The following LOC400499 variants were observed in gnomAD, a reference collection of about 807,000 sequenced individuals.
chr16:11,445,727 G>C, the LOC400499 span, among the ~76,000 whole-genome samples: 3 of 152,222 alleles, frequency 2.0e-5, no homozygotes, highest in Middle Eastern at 3.2e-3. Context: ...GAGTTTGAGA[G>C]CATGCGGGTG....
chr16:11,391,499 C>G, the LOC400499 span, among the ~76,000 whole-genome samples: 60,633 of 151,952 alleles, frequency 0.4, 12,506 homozygotes, highest in African/African-American at 0.44. Flanking sequence ...AGATCTATAA[C>G]AAATAAGGCA....
At chr16:11,511,212 G>C in the LOC400499 span, among the ~76,000 whole-genome samples, 4 of 152,104 alleles carry the variant, frequency 2.6e-5, no homozygotes, top group African/African-American at 9.7e-5. Flanking sequence ...TGCCAGACTG[G>C]TGTCAAACTC....
the LOC400499 span, chr16:11,399,650 C>A: frequency 7.5e-6 from 3 of 398,600 alleles, no homozygotes; most frequent in African/African-American, 6.2e-5. Flanking sequence ...AGCTGAGAAG[C>A]CTGGAGCGAG....
At chr16:11,471,223 GA>G in the LOC400499 span, 3 of 152,904 alleles carry the variant, frequency 2.0e-5, no homozygotes, top group Admixed American at 2.0e-4. Context: ...GCCTCCTCTG[GA>G]CCAGATGCTG....
At chr16:11,375,382 C>A in the LOC400499 span, among the ~76,000 whole-genome samples, 8 of 135,128 alleles carry the variant, frequency 5.9e-5, 3 homozygotes, top group African/African-American at 2.4e-4. Flanking sequence ...GGCGGGACCT[C>A]AGCTCACTGC....
the LOC400499 span, among the ~76,000 whole-genome samples, chr16:11,509,092 T>A: frequency 6.6e-6 from 1 of 151,296 alleles, no homozygotes; most frequent in East Asian, 1.9e-4. Flanking sequence ...GCCACTCACA[T>A]CAGGGAACAC....
At chr16:11,457,591 CAA>C in the LOC400499 span, among the ~76,000 whole-genome samples, 72 of 97,038 alleles carry the variant, frequency 7.4e-4, no homozygotes, top group Non-Finnish European at 7.9e-4. Context: ...GACTCCATCT[CAA>C]AAAAAAAAAA....
chr16:11,455,187 T>C, the LOC400499 span, among the ~76,000 whole-genome samples: 1 of 152,190 alleles, frequency 6.6e-6, no homozygotes, highest in South Asian at 2.1e-4. Flanking sequence ...ATGTAAGACA[T>C]TTATAGTTAT....
At chr16:11,439,530 G>A in the LOC400499 span, 1 of 399,190 alleles carries the variant, frequency 2.5e-6, no homozygotes, top group Non-Finnish European at 4.4e-6. Flanking sequence ...GGATGCCTGA[G>A]TTGGAAGAAA....
At chr16:11,396,661 G>A in the LOC400499 span, 148 of 1,231,676 alleles carry the variant, frequency 1.2e-4, no homozygotes, top group South Asian at 2.1e-4. Flanking sequence ...TGTGCTCCCC[G>A]ACGACCAAGA....
At chr16:11,378,241 CTTTT>C in the LOC400499 span, among the ~76,000 whole-genome samples, 2 of 115,732 alleles carry the variant, frequency 1.7e-5, no homozygotes, top group African/African-American at 6.6e-5. Context: ...CTGGCTGCTG[CTTTT>C]TTTTTCTTTT....
At chr16:11,387,721 G>A in the LOC400499 span, among the ~76,000 whole-genome samples, 32 of 152,130 alleles carry the variant, frequency 2.1e-4, no homozygotes, top group African/African-American at 6.3e-4. Flanking sequence ...TCTGCCTCCC[G>A]GGTTTGTTTC....
the LOC400499 span, among the ~76,000 whole-genome samples, chr16:11,481,007 A>G: frequency 1.1e-4 from 16 of 152,374 alleles, no homozygotes; most frequent in African/African-American, 3.8e-4. Context: ...ACGATGAAAT[A>G]TGACTTGACC....
chr16:11,513,074 C>T, the LOC400499 span, among the ~76,000 whole-genome samples: 51 of 152,198 alleles, frequency 3.4e-4, no homozygotes, highest in African/African-American at 1.1e-3. Context: ...AGTCATTTGA[C>T]CTCTTTGAGC....
the LOC400499 span, among the ~76,000 whole-genome samples, chr16:11,384,616 G>A: frequency 2.6e-5 from 4 of 152,204 alleles, no homozygotes; most frequent in Non-Finnish European, 5.9e-5. Flanking sequence ...GTGTTCCTTG[G>A]CAGAGGGACG....
At chr16:11,385,216 G>T in the LOC400499 span, 1 of 1,232,282 alleles carries the variant, frequency 8.1e-7, no homozygotes, top group South Asian at 4.1e-5. Flanking sequence ...CTCACCTGCA[G>T]ACTGGGGTAG....
the LOC400499 span, among the ~76,000 whole-genome samples, chr16:11,525,333 A>T: frequency 6.6e-6 from 1 of 151,366 alleles, no homozygotes; most frequent in South Asian, 2.1e-4. Context: ...TTTCCCCAAA[A>T]CGGGGAGGGG....
At chr16:11,489,584 T>C in the LOC400499 span, among the ~76,000 whole-genome samples, 1 of 152,166 alleles carries the variant, frequency 6.6e-6, no homozygotes, top group Non-Finnish European at 1.5e-5. Flanking sequence ...CAGGGGCTTC[T>C]GGAACAATCT....
chr16:11,414,200 G>C, the LOC400499 span: 1 of 398,022 alleles, frequency 2.5e-6, no homozygotes, highest in Non-Finnish European at 4.4e-6. Flanking sequence ...TATGAATGAA[G>C]CCTTTGTAAA....
Sources: gnomAD v4.1 joint callset for allele counts (sites outside exome capture counted in the v4.1 genomes callset) on GRCh38, gnomAD v4.1.1 for gene constraint, MANE v1.5 for transcripts.